ST7: variants seen among roughly 807,000 people sequenced by gnomAD.
ST7 encodes the protein suppressor of tumorigenicity 7 protein.
Under a neutral mutation model 78.7 loss-of-function variants are expected in ST7, and 28 were observed. That is an observed-to-expected ratio of 0.36 (90% CI 0.26 to 0.49). The LOEUF (loss-of-function observed/expected upper bound fraction) is 0.49, where lower values mean the gene tolerates loss of function less well. ST7 is among the 20% of genes least tolerant of loss of function. The pLI is 0.99. For synonymous variants in ST7, 247 were observed against 249.6 expected (o/e 0.99, Z 0.10); for missense variants, 418 against 696.0 (o/e 0.60, Z 4.49).
At chr7:117,199,385 T>G (rs1039275672) in intron 12 of ST7, among the ~76,000 whole-genome samples, 15 of 152,162 alleles carry the variant, frequency 9.9e-5, no homozygotes, top group Non-Finnish European at 1.9e-4. Flanking sequence ...TTGGTAAGGC[T>G]CTCATGCCCT....
intron 1 of ST7, chr7:116,956,431 T>C (rs1357746473): frequency 2.1e-6 from 1 of 470,336 alleles, no homozygotes; most frequent in Admixed American, 2.4e-5. Flanking sequence ...AGCCCTGTGG[T>C]GCTTACTCTT....
intron 1 of ST7, among the ~76,000 whole-genome samples, chr7:117,050,659 G>A (rs551298179): frequency 3.3e-5 from 5 of 152,152 alleles, no homozygotes; most frequent in South Asian, 2.1e-4. Context: ...GGCCTGGTGC[G>A]GTGGCTCACG....
chr7:117,164,017 T>G (rs1309027135), intron 9 of ST7, among the ~76,000 whole-genome samples: 1 of 152,170 alleles, frequency 6.6e-6, no homozygotes, highest in Non-Finnish European at 1.5e-5. Flanking sequence ...AAAACAATCC[T>G]AAAATCTGTG....
chr7:116,974,974 C>T (rs1225720167), intron 1 of ST7, among the ~76,000 whole-genome samples: 1 of 152,102 alleles, frequency 6.6e-6, no homozygotes, highest in East Asian at 1.9e-4. Flanking sequence ...CTCAATTCTG[C>T]CCTGATTATA....
chr7:117,223,239 GT>G (rs1793226644), intron 15 of ST7: 1 of 475,428 alleles, frequency 2.1e-6, no homozygotes, highest in Non-Finnish European at 3.8e-6. Flanking sequence ...GGTCCTTGTT[GT>G]TTCTTGCCTG....
At chr7:117,087,477 T>C (rs972948321) in intron 1 of ST7, among the ~76,000 whole-genome samples, 5 of 152,204 alleles carry the variant, frequency 3.3e-5, no homozygotes, top group Non-Finnish European at 5.9e-5. Flanking sequence ...TGATTAACCA[T>C]ACATACATCT....
At position 117,105,036 on chromosome 7, in the gene ST7, T is replaced by C. The variant is rs112703168; in HGVS notation, c.234+5192T>C. ...GGGAAAAGAGGAATTTTCTTGAGGG[T>C]AATACATGATTACTAGGGAGAATGA... On this transcript the variant is annotated intron_variant, in intron 2 of 15. Coordinates refer to ENST00000323984, the MANE Select transcript of ST7 (RefSeq NM_001369598.1). Among the ~76,000 whole-genome samples the C allele has an allele frequency of 2.8e-3, 421 of 152,238 alleles. 1 individual carries two copies. The highest frequency in any genetic ancestry group is 9.3e-3 in the African/African-American group (388 of 41,532).
At chr7:117,222,959 A>G (rs750412006) in intron 15 of ST7, 2 of 1,613,404 alleles carry the variant, frequency 1.2e-6, no homozygotes, top group Non-Finnish European at 1.7e-6. Context: ...CGGCACCTCA[A>G]TCTCAACATT....
At chr7:117,114,725 A>G (rs576459810) in intron 2 of ST7, among the ~76,000 whole-genome samples, 1 of 152,336 alleles carries the variant, frequency 6.6e-6, no homozygotes, top group Admixed American at 6.5e-5. Flanking sequence ...TTCCTGACAC[A>G]TGGAGTGTTT....
chr7:116,961,877 A>G, intron 1 of ST7, among the ~76,000 whole-genome samples: 1 of 151,582 alleles, frequency 6.6e-6, no homozygotes, highest in South Asian at 2.1e-4. Context: ...TCAACCCGTC[A>G]TCTAGGTTTT....
At chr7:117,051,217 CAT>C (rs1797776962) in intron 1 of ST7, among the ~76,000 whole-genome samples, 1 of 152,286 alleles carries the variant, frequency 6.6e-6, no homozygotes, top group African/African-American at 2.4e-5. Flanking sequence ...TCATGGAACT[CAT>C]AGTTTAATGG....
At chr7:117,224,783 T>A (rs1793332078) in intron 15 of ST7, among the ~76,000 whole-genome samples, 1 of 152,208 alleles carries the variant, frequency 6.6e-6, no homozygotes, top group South Asian at 2.1e-4. Flanking sequence ...GGATGGAGAT[T>A]GATGGCATTC....
chr7:117,167,300 G>T (rs574891922), intron 9 of ST7, among the ~76,000 whole-genome samples: 1 of 140,146 alleles, frequency 7.1e-6, no homozygotes, highest in Admixed American at 7.8e-5. Context: ...TAAGGTGTAT[G>T]TTTGCATAAC....
intron 9 of ST7, among the ~76,000 whole-genome samples, chr7:117,139,130 C>T (rs1805052901): frequency 6.6e-6 from 1 of 151,966 alleles, no homozygotes. Flanking sequence ...AAAAGAGAAC[C>T]AAGGGAGGTT....
chr7:117,053,669 T>C (rs145849989), intron 1 of ST7, among the ~76,000 whole-genome samples: 10 of 152,310 alleles, frequency 6.6e-5, no homozygotes, highest in African/African-American at 2.2e-4. Flanking sequence ...AATTTCCACA[T>C]TCCAGAAACT....
chr7:117,168,140 A>G (rs1807709287), intron 9 of ST7, among the ~76,000 whole-genome samples: 3 of 152,194 alleles, frequency 2.0e-5, no homozygotes, highest in Admixed American at 2.0e-4. Context: ...TACCATGTTT[A>G]AAATCCTTTT....
At chr7:117,000,901 C>G (rs1794905656) in intron 1 of ST7, among the ~76,000 whole-genome samples, 1 of 152,326 alleles carries the variant, frequency 6.6e-6, no homozygotes, top group Non-Finnish European at 1.5e-5. Flanking sequence ...AATTCCAGAA[C>G]TCAAAGAATT....
chr7:116,991,120 A>G (rs1272619065), intron 1 of ST7, among the ~76,000 whole-genome samples: 1 of 152,200 alleles, frequency 6.6e-6, no homozygotes, highest in South Asian at 2.1e-4. Context: ...TTATTTATCT[A>G]TTATACTTTT....
chr7:117,112,652 C>T (rs2116891720), intron 2 of ST7: 1 of 152,182 alleles, frequency 6.6e-6, no homozygotes, highest in Middle Eastern at 3.4e-3. Context: ...ATGGATCACC[C>T]AAAATAATGG....
Sources: allele counts gnomAD v4.1 joint callset (sites outside exome capture counted in the v4.1 genomes callset), GRCh38; gene constraint gnomAD v4.1.1; transcripts MANE v1.5; gene names NCBI Gene and HGNC (gene_info 2026-07-23, HGNC 2026-07-21).